The following MIS18A variants were observed in gnomAD, a reference collection of about 807,000 sequenced individuals.
MIS18A encodes MIS18 kinetochore protein A, also known as protein Mis18-alpha.
A neutral mutation model predicts 25.0 loss-of-function variants in MIS18A; 14 were observed. That is an observed-to-expected ratio of 0.56 (90% confidence interval 0.37 to 0.88). The LOEUF (loss-of-function observed/expected upper bound fraction) is 0.88, where lower values mean the gene tolerates loss of function less well. MIS18A is among the 40% of genes least tolerant of loss of function. The probability of loss-of-function intolerance (pLI) is 0.00; values close to 1 mark genes in which losing one functional copy is unlikely to be tolerated. For missense variants in MIS18A, 292 were observed against 290.8 expected (o/e 1.00, Z -0.03); for synonymous variants, 134 against 118.6 (o/e 1.13, Z -0.84).
At chr21:32,168,830 C>T in the MIS18A span, among the ~76,000 whole-genome samples, 1 of 152,076 alleles carries the variant, frequency 6.6e-6, no homozygotes, top group Non-Finnish European at 1.5e-5. Context: ...AAGAAATAAG[C>T]AGCAAACAGA....
At chr21:32,172,958 A>G in the MIS18A span, among the ~76,000 whole-genome samples, 1 of 151,760 alleles carries the variant, frequency 6.6e-6, no homozygotes, top group Non-Finnish European at 1.5e-5. Flanking sequence ...ATTAACTCAA[A>G]ATGGATCATC....
intron 3 of MIS18A, 84 bp from the exon 4 acceptor site, chr21:32,269,887 G>A: frequency 1.2e-6 from 1 of 850,316 alleles, no homozygotes; most frequent in South Asian, 1.4e-5. Flanking sequence ...TGAGACAGAA[G>A]GATCATCTGA....
At chr21:32,229,220 C>T in the MIS18A span, among the ~76,000 whole-genome samples, 2 of 152,310 alleles carry the variant, frequency 1.3e-5, no homozygotes, top group South Asian at 4.1e-4. Flanking sequence ...TGGAAATATT[C>T]ACCTAAGGGT....
At chr21:32,231,877 C>T in the MIS18A span, among the ~76,000 whole-genome samples, 8 of 152,288 alleles carry the variant, frequency 5.3e-5, no homozygotes, top group African/African-American at 1.9e-4. Flanking sequence ...TGCGCCACTG[C>T]ACTCCAGCCT....
chr21:32,188,198 T>C, the MIS18A span, among the ~76,000 whole-genome samples: 12 of 152,378 alleles, frequency 7.9e-5, no homozygotes, highest in South Asian at 2.5e-3. Context: ...TGTGGTATTC[T>C]GCATTGGCAG....
intron 2 of MIS18A, among the ~76,000 whole-genome samples, chr21:32,272,635 C>CT (rs2031733965): frequency 6.6e-6 from 1 of 152,178 alleles, no homozygotes; most frequent in Admixed American, 6.5e-5. Flanking sequence ...TCAGCTAGAA[C>CT]TAATAACATT....
the MIS18A span, among the ~76,000 whole-genome samples, chr21:32,247,661 A>G: frequency 1.3e-5 from 2 of 152,182 alleles, no homozygotes; most frequent in Admixed American, 1.3e-4. Context: ...CAGTCCTCAT[A>G]AAAAGAGGAG....
the MIS18A span, among the ~76,000 whole-genome samples, chr21:32,253,154 G>GC: frequency 0.018 from 2,716 of 152,088 alleles, 58 homozygotes; most frequent in African/African-American, 0.053. Context: ...TGCAGATGGT[G>GC]CCCCCCCGCA....
chr21:32,217,343 T>A, the MIS18A span, among the ~76,000 whole-genome samples: 1 of 151,248 alleles, frequency 6.6e-6, no homozygotes. Flanking sequence ...GTACAAAAAC[T>A]GAAATGAAAA....
chr21:32,168,201 C>A, the MIS18A span, among the ~76,000 whole-genome samples: 1 of 152,196 alleles, frequency 6.6e-6, no homozygotes, highest in Non-Finnish European at 1.5e-5. Flanking sequence ...CATTGGCTTG[C>A]ATCTTGATCT....
the MIS18A span, among the ~76,000 whole-genome samples, chr21:32,197,231 T>C: frequency 6.6e-6 from 1 of 152,242 alleles, no homozygotes; most frequent in South Asian, 2.1e-4. Flanking sequence ...CTTCACAATG[T>C]CTGTCCTTAT....
the MIS18A span, among the ~76,000 whole-genome samples, chr21:32,231,632 G>A: frequency 6.6e-6 from 1 of 152,168 alleles, no homozygotes; most frequent in Non-Finnish European, 1.5e-5. Flanking sequence ...GTCTAGCAAT[G>A]CCTCAAAGTG....
the MIS18A span, among the ~76,000 whole-genome samples, chr21:32,195,307 T>C: frequency 6.6e-6 from 1 of 152,220 alleles, no homozygotes; most frequent in Non-Finnish European, 1.5e-5. Flanking sequence ...TACTGAGCTA[T>C]GTGGCCTATG....
At chr21:32,177,971 G>A in the MIS18A span, among the ~76,000 whole-genome samples, 1 of 151,520 alleles carries the variant, frequency 6.6e-6, no homozygotes, top group Non-Finnish European at 1.5e-5. Flanking sequence ...CTGGAGTAGA[G>A]TGGCACAGTC....
At chr21:32,254,526 G>C in the MIS18A span, among the ~76,000 whole-genome samples, 1 of 151,148 alleles carries the variant, frequency 6.6e-6, no homozygotes, top group Non-Finnish European at 1.5e-5. Context: ...AGTGAAACTC[G>C]GTCTCAAAAA....
At chr21:32,266,540 C>T (rs888985257), downstream of MIS18A, among the ~76,000 whole-genome samples, 3 of 152,168 alleles carry the variant, frequency 2.0e-5, no homozygotes, top group East Asian at 1.9e-4. Flanking sequence ...CAGCTTCACT[C>T]CTGAGCCCAG....
chr21:32,269,120 A>G lies in MIS18A; in HGVS notation c.622-3T>C. 6.3e-7 allele frequency: 1 copy of G among 1,581,452 alleles called. No homozygotes were observed. The highest frequency in any genetic ancestry group is 2.2e-5 in the East Asian group (1 of 44,454). ...AATGCTTTCAAGACATCTTCCATCT[A>G]TTGAATTTAAAAAATAAAAAAATAA... is the stretch of plus-strand genomic sequence containing the variant. On this transcript the variant is annotated splice_region_variant and splice_polypyrimidine_tract_variant and intron_variant, in intron 4 of 4. Transcript: ENST00000290130.
chr21:32,208,341 C>T, the MIS18A span, among the ~76,000 whole-genome samples: 1 of 152,074 alleles, frequency 6.6e-6, no homozygotes, highest in East Asian at 1.9e-4. Context: ...TAGAACCATC[C>T]CCTTGGCTCT....
the MIS18A span, among the ~76,000 whole-genome samples, chr21:32,234,787 C>T: frequency 2.0e-5 from 3 of 152,106 alleles, no homozygotes; most frequent in Admixed American, 6.5e-5. Context: ...AGCAGATGGC[C>T]GGCACCACAC....
Sources: allele counts gnomAD v4.1 joint callset (sites outside exome capture counted in the v4.1 genomes callset), GRCh38; gene constraint gnomAD v4.1.1; transcripts MANE v1.5; gene names NCBI Gene and HGNC (gene_info 2026-07-23, HGNC 2026-07-21).